SRBD1: variants seen among roughly 807,000 people sequenced by gnomAD.
SRBD1 encodes S1 RNA binding domain 1.
SRBD1 carries 88 observed loss-of-function variants against 115.3 expected under a neutral mutation model. The observed-to-expected ratio is 0.76, with a 90% confidence interval of 0.64 to 0.91. SRBD1 has a LOEUF of 0.91. Ranked by LOEUF, SRBD1 falls within the 40% of genes least tolerant of loss-of-function variation. SRBD1 has a pLI of 0.00. For missense variants in SRBD1, 1,385 were observed against 1,177.4 expected, an observed-to-expected ratio of 1.18 and a Z score of -2.58; for synonymous variants, 509 against 407.7, an observed-to-expected ratio of 1.25 and a Z score of -2.99.
chr2:45,412,430 A>G (rs1667631345), intron 19 of SRBD1, among the ~76,000 whole-genome samples: 1 of 152,146 alleles, frequency 6.6e-6, no homozygotes, highest in African/African-American at 2.4e-5. Flanking sequence ...ATAATCAAAT[A>G]TAAGTGATTT....
rs1419525372 is a variant in SRBD1 at position 45,551,182 on chromosome 2, T to C, written c.1618A>G (p.Met540Val). The C allele has an allele frequency of 1.2e-6, 2 of 1,612,248 alleles. No homozygotes were observed. Among genetic ancestry groups the C allele is most frequent in the Non-Finnish European group, 1.7e-6 (2 of 1,179,592 alleles). ...LTSPVPGRTL[M>V]GVDPGYKHGC... ...TGTTTATAACCAGGATCCACTCCCA[T>C]TAAGGTGCGCCCTGGAACAGGGCTT... The change falls in exon 12 of 21, where the codon ATG becomes GTG. Residue 540 changes from methionine to valine, a missense_variant. Coordinates refer to ENST00000263736, the MANE Select transcript of SRBD1 (RefSeq NM_018079.5).
At chr2:45,437,601 G>A (rs1668538935) in intron 16 of SRBD1, among the ~76,000 whole-genome samples, 1 of 152,156 alleles carries the variant, frequency 6.6e-6, no homozygotes, top group Admixed American at 6.5e-5. Flanking sequence ...GGTGGTACAT[G>A]TTGATATTCC....
chr2:45,574,868 T>C (rs775831402), intron 7 of SRBD1, 145 bp from the exon 8 acceptor site: 9 of 663,390 alleles, frequency 1.4e-5, no homozygotes, highest in Non-Finnish European at 2.2e-5. Flanking sequence ...TGCAGCAGTA[T>C]ACTAGCTTCC....
chr2:45,599,593 T>C lies in SRBD1; in HGVS notation c.504A>G (p.Glu168=), dbSNP rs1572826671. 1.2e-6 allele frequency: 2 copies of C among 1,614,202 alleles called. No homozygotes were observed. The highest frequency in any genetic ancestry group is 1.7e-6 in the Non-Finnish European group (2 of 1,180,040). The change falls in exon 4 of 21, where the codon GAA becomes GAG. Residue 168 remains glutamate, a synonymous_variant. Coordinates refer to ENST00000263736, the MANE Select transcript of SRBD1 (RefSeq NM_018079.5). ...CAAATGTAAAGTCATCGTCATTCTC[T>C]TCCTTCTTGCATGTACCTCCCCACA... The part of the protein sequence containing the change: ...STVWGGTCKK[E]ENDDDFTFGQ...
At chr2:45,488,601 T>G (rs898237281) in intron 14 of SRBD1, among the ~76,000 whole-genome samples, 1 of 152,186 alleles carries the variant, frequency 6.6e-6, no homozygotes, top group Non-Finnish European at 1.5e-5. Context: ...CTGGTAACAA[T>G]AGATGGTTTA....
intron 16 of SRBD1, among the ~76,000 whole-genome samples, chr2:45,456,885 C>G (rs7579116): frequency 0.078 from 11,869 of 151,572 alleles, 619 homozygotes; most frequent in African/African-American, 0.14. Flanking sequence ...TTTGTAGTAG[C>G]GATTAAATTA....
intron 1 of SRBD1, among the ~76,000 whole-genome samples, chr2:45,610,825 G>A (rs1219875095): frequency 2.0e-5 from 3 of 152,114 alleles, no homozygotes; most frequent in African/African-American, 7.2e-5. Flanking sequence ...CTACTCGGGA[G>A]GCTGAGGCAG....
At chr2:45,463,029 G>C (rs936849569) in intron 16 of SRBD1, among the ~76,000 whole-genome samples, 1 of 76,850 alleles carries the variant, frequency 1.3e-5, no homozygotes, top group African/African-American at 7.2e-5. Flanking sequence ...GGGGGGGGGG[G>C]GGAAATCTCT....
intron 1 of SRBD1, among the ~76,000 whole-genome samples, chr2:45,608,775 A>T (rs539018547): frequency 1.3e-5 from 2 of 151,954 alleles, no homozygotes; most frequent in African/African-American, 2.4e-5. Flanking sequence ...TCCCATCTCA[A>T]TAAGTGGCAC....
intron 14 of SRBD1, among the ~76,000 whole-genome samples, chr2:45,545,552 T>G (rs552527589): frequency 6.6e-6 from 1 of 152,282 alleles, no homozygotes; most frequent in East Asian, 1.9e-4. Context: ...AGAAGGTACC[T>G]GAAATAAACT....
At chr2:45,395,861 T>C (rs1667132840) in intron 19 of SRBD1, among the ~76,000 whole-genome samples, 2 of 152,342 alleles carry the variant, frequency 1.3e-5, no homozygotes, top group South Asian at 4.1e-4. Flanking sequence ...GAAAAATTTA[T>C]TCTACATATT....
chr2:45,559,241 C>T (rs560770185), intron 10 of SRBD1, among the ~76,000 whole-genome samples: 22 of 152,170 alleles, frequency 1.4e-4, no homozygotes, highest in Non-Finnish European at 2.8e-4. Flanking sequence ...CTGATCATCA[C>T]ACTCCTGTAT....
chr2:45,440,216 C>A (rs1018211057), intron 16 of SRBD1, among the ~76,000 whole-genome samples: 1 of 152,056 alleles, frequency 6.6e-6, no homozygotes, highest in Non-Finnish European at 1.5e-5. Context: ...TATATAACTT[C>A]TTTATGAATC....
Position 45,577,423 on chromosome 2 carries a change from C to G in SRBD1, c.1072+2452G>C, listed in dbSNP as rs566731466. Among the ~76,000 whole-genome samples, 44 of 152,272 alleles carry G rather than the reference C, an allele frequency of 2.9e-4. No individual in the cohort carries two copies. In the South Asian group the frequency reaches 6.6e-3, roughly 23 times the overall value. ...TTGCCTTACAATGAAATCTTCCCAG[C>G]TACAGAATCTTCAAACCTCCACACC... On this transcript the variant is annotated intron_variant, in intron 7 of 20. Coordinates refer to ENST00000263736, the MANE Select transcript of SRBD1 (RefSeq NM_018079.5).
At chr2:45,533,218 A>C (rs1010703852) in intron 14 of SRBD1, among the ~76,000 whole-genome samples, 1 of 152,034 alleles carries the variant, frequency 6.6e-6, no homozygotes, top group African/African-American at 2.4e-5. Context: ...TTTACCCTAG[A>C]AACTATGATG....
chr2:45,503,959 T>C (rs575799037), intron 14 of SRBD1, among the ~76,000 whole-genome samples: 1 of 152,302 alleles, frequency 6.6e-6, no homozygotes, highest in Non-Finnish European at 1.5e-5. Flanking sequence ...AGAATCCTTC[T>C]TTATATAACT....
intron 16 of SRBD1, among the ~76,000 whole-genome samples, chr2:45,463,017 CGGGG>C (rs11470984): frequency 0.56 from 64,963 of 116,506 alleles, 16,554 homozygotes; most frequent in Non-Finnish European, 0.62. Context: ...GAGAATAACC[CGGGG>C]GGGGGGGGGG....
intron 15 of SRBD1, among the ~76,000 whole-genome samples, 158 bp downstream of exon 15, chr2:45,488,082 T>A (rs1572694495): frequency 6.6e-6 from 1 of 152,156 alleles, no homozygotes; most frequent in African/African-American, 2.4e-5. Flanking sequence ...ATAATTTCAA[T>A]TATTAGTCCA....
At chr2:45,579,760 G>A (rs924337181) in intron 7 of SRBD1, 115 bp downstream of exon 7, 33 of 1,191,878 alleles carry the variant, frequency 2.8e-5, no homozygotes, top group South Asian at 5.6e-5. Context: ...TTCTACATAC[G>A]CTGTAATATT....
Sources: allele counts gnomAD v4.1 joint callset (sites outside exome capture counted in the v4.1 genomes callset), GRCh38; gene constraint gnomAD v4.1.1; transcripts MANE v1.5; gene names NCBI Gene and HGNC (gene_info 2026-07-23, HGNC 2026-07-21).